Variants in MAP2K4 observed in about 807,000 individuals in gnomAD.
MAP2K4 encodes dual specificity mitogen-activated protein kinase kinase 4.
In MAP2K4, 4 loss-of-function variants were observed where a neutral mutation model predicts 48.5. The observed-to-expected ratio is 0.08, with a 90% CI of 0.04 to 0.19. The LOEUF (loss-of-function observed/expected upper bound fraction) is 0.19. MAP2K4 is among the 10% of genes least tolerant of loss of function. The pLI, the probability that MAP2K4 is intolerant of heterozygous loss-of-function variation, is 1.00. For missense variants in MAP2K4, 258 were observed against 493.3 expected, an observed-to-expected ratio of 0.52 and a Z score of 4.52; for synonymous variants, 166 against 173.1, an observed-to-expected ratio of 0.96 and a Z score of 0.32.
chr17:12,028,575 G>A (rs558384356), intron 1 of MAP2K4, among the ~76,000 whole-genome samples: 2 of 152,352 alleles, frequency 1.3e-5, no homozygotes, highest in South Asian at 2.1e-4. Context: ...GAAGTTGGAA[G>A]TTTGAAGGTG....
At chr17:12,045,097 C>T (rs1397737329) in intron 1 of MAP2K4, among the ~76,000 whole-genome samples, 1 of 152,222 alleles carries the variant, frequency 6.6e-6, no homozygotes, top group African/African-American at 2.4e-5. Flanking sequence ...TCCCCTTAGC[C>T]CTGTGGCCTG....
intron 9 of MAP2K4, among the ~76,000 whole-genome samples, chr17:12,136,576 G>A (rs115958298): frequency 3.8e-4 from 58 of 152,234 alleles, no homozygotes; most frequent in African/African-American, 1.4e-3. Context: ...ATTTTTTATT[G>A]GAATTAAGTT....
intron 1 of MAP2K4, among the ~76,000 whole-genome samples, chr17:12,039,030 A>C (rs1406010992): frequency 6.6e-6 from 1 of 152,212 alleles, no homozygotes; most frequent in Non-Finnish European, 1.5e-5. Flanking sequence ...AGTAAGCCTT[A>C]CTGAACATTA....
chr17:12,033,569 T>G (rs1445404091), intron 1 of MAP2K4, among the ~76,000 whole-genome samples: 3 of 152,180 alleles, frequency 2.0e-5, no homozygotes, highest in Non-Finnish European at 4.4e-5. Flanking sequence ...ATGTCTCCCT[T>G]GCCTTAAATA....
intron 2 of MAP2K4, among the ~76,000 whole-genome samples, chr17:12,062,278 T>TA (rs1970474800): frequency 6.6e-6 from 1 of 152,210 alleles, no homozygotes; most frequent in Non-Finnish European, 1.5e-5. Context: ...GAGATAAGAA[T>TA]TCTTTCTTAG....
intron 1 of MAP2K4, among the ~76,000 whole-genome samples, chr17:12,026,158 T>C (rs182680616): frequency 2.1e-4 from 32 of 152,324 alleles, no homozygotes; most frequent in African/African-American, 7.2e-4. Flanking sequence ...TTAGAATACA[T>C]ATTTTCTCAC....
chr17:12,033,149 A>G (rs1324075957), intron 1 of MAP2K4, among the ~76,000 whole-genome samples: 1 of 152,180 alleles, frequency 6.6e-6, no homozygotes, highest in Non-Finnish European at 1.5e-5. Context: ...AAAAAAATGC[A>G]TTTAAGCTTA....
chr17:12,061,462 G>A (rs556322221), intron 2 of MAP2K4, among the ~76,000 whole-genome samples: 4 of 152,310 alleles, frequency 2.6e-5, no homozygotes, highest in South Asian at 2.1e-4. Flanking sequence ...AATAGGAGTG[G>A]TAGAACTGAT....
intron 2 of MAP2K4, among the ~76,000 whole-genome samples, chr17:12,073,579 A>G (rs1366723649): frequency 6.6e-6 from 1 of 152,150 alleles, no homozygotes; most frequent in Non-Finnish European, 1.5e-5. Flanking sequence ...AGTGCAGCCC[A>G]AGGATAATCT....
intron 2 of MAP2K4, among the ~76,000 whole-genome samples, chr17:12,080,314 GAAACTGA>G (rs1463477388): frequency 1.3e-5 from 2 of 152,184 alleles, no homozygotes; most frequent in Non-Finnish European, 2.9e-5. Flanking sequence ...CATTTAGTAT[GAAACTGA>G]AAAATGTAGT....
intron 2 of MAP2K4, among the ~76,000 whole-genome samples, chr17:12,073,599 TTC>T (rs958529283): frequency 1.3e-5 from 2 of 152,120 alleles, no homozygotes; most frequent in African/African-American, 4.8e-5. Context: ...TTCTTTTTCT[TTC>T]TCTCCTTCTC....
At chr17:12,041,624 AACATCCAGTTAT>A (rs1258284771) in intron 1 of MAP2K4, among the ~76,000 whole-genome samples, 2 of 152,202 alleles carry the variant, frequency 1.3e-5, no homozygotes, top group Non-Finnish European at 2.9e-5. Flanking sequence ...GAACCTGCAT[AACATCCAGTTAT>A]ACATATTTTG....
chr17:12,108,979 A>G (rs1425174214), intron 5 of MAP2K4, among the ~76,000 whole-genome samples: 2 of 152,100 alleles, frequency 1.3e-5, no homozygotes, highest in Admixed American at 1.3e-4. Flanking sequence ...ACTATTTGTA[A>G]TAATTATAAT....
chr17:12,020,948 C>T lies in MAP2K4; in HGVS notation c.62C>T (p.Pro21Leu). The stretch of plus-strand genomic sequence containing the variant: ...GGGGGCGGCAGCGGCAGCGGCACCC[C>T]CGGCCCCGTAGGGTCCCCGGCGCCA... ...GSGGGSGSGT[P>L]GPVGSPAPGH... The change falls in exon 1 of 11, where the codon CCC (proline) becomes CTC (leucine). Residue 21 changes from proline to leucine, a missense_variant. This residue lies in a region of MAP2K4 where 69 missense variants were observed against 56.2 expected (regional missense o/e 1.23). Coordinates refer to ENST00000353533, the MANE Select transcript of MAP2K4 (RefSeq NM_003010.4). 4 of 1,217,576 alleles carry T rather than the reference C, an allele frequency of 3.3e-6. No individual in the cohort carries two copies. Among genetic ancestry groups the T allele is most frequent in the Non-Finnish European group, 3.1e-6 (3 of 979,032 alleles). 75.4% of individuals were successfully genotyped at this position (1,217,576 alleles called of 1,614,324 possible). A position where few individuals can be genotyped will look rare whatever the true frequency, so the allele number is the denominator to read the frequency against.
intron 1 of MAP2K4, among the ~76,000 whole-genome samples, chr17:12,054,387 A>C (rs1970228070): frequency 6.6e-6 from 1 of 152,100 alleles, no homozygotes; most frequent in Non-Finnish European, 1.5e-5. Flanking sequence ...CATGGAAATA[A>C]TTATTTAGAA....
intron 7 of MAP2K4, among the ~76,000 whole-genome samples, chr17:12,116,610 A>G (rs1972503057): frequency 6.6e-6 from 1 of 152,102 alleles, no homozygotes; most frequent in South Asian, 2.1e-4. Flanking sequence ...TATTCTGTTT[A>G]CTTGTTTATT....
At chr17:12,103,777 ATTTTATTCAACATAG>A (rs1483508112) in intron 4 of MAP2K4, among the ~76,000 whole-genome samples, 4 of 152,244 alleles carry the variant, frequency 2.6e-5, no homozygotes, top group East Asian at 3.9e-4. Flanking sequence ...TTTATTGTAC[ATTTTATTCAACATAG>A]TTTTATTCAA....
chr17:12,138,593 C>T (rs1350784255), intron 9 of MAP2K4, among the ~76,000 whole-genome samples: 1 of 151,832 alleles, frequency 6.6e-6, no homozygotes, highest in Admixed American at 6.6e-5. Flanking sequence ...TGGATTTGTA[C>T]AGTTGAAATC....
At chr17:12,139,950 C>T (rs1304869534) in intron 10 of MAP2K4, 66 bp downstream of exon 10, 3 of 1,144,264 alleles carry the variant, frequency 2.6e-6, no homozygotes, top group African/African-American at 3.1e-5. Context: ...CATGCTGGTT[C>T]ACTAAGCAAG....
Sources: allele counts gnomAD v4.1 joint callset (sites outside exome capture counted in the v4.1 genomes callset), GRCh38; gene constraint gnomAD v4.1.1; regional missense constraint gnomAD v4.1.1; transcripts MANE v1.5; gene names NCBI Gene and HGNC (gene_info 2026-07-23, HGNC 2026-07-21).